Variants in DEK observed in about 807,000 individuals in gnomAD.
The protein encoded by DEK is protein DEK.
DEK carries 28 observed loss-of-function variants against 46.8 expected under a neutral mutation model. The ratio of observed to expected loss-of-function variants is 0.60; its 90% CI spans 0.44 to 0.82. The LOEUF (loss-of-function observed/expected upper bound fraction) is 0.82, where lower values mean the gene tolerates loss of function less well. DEK is among the 40% of genes least tolerant of loss of function. The probability of loss-of-function intolerance (pLI) is 0.00; values close to 1 mark genes in which losing one functional copy is unlikely to be tolerated. For synonymous variants in DEK, 160 were observed against 144.5 expected, an observed-to-expected ratio of 1.11 and a Z score of -0.77; for missense variants, 416 against 430.6, an observed-to-expected ratio of 0.97 and a Z score of 0.30.
chr6:18,236,172 G>A (rs1790638156), intron 9 of DEK, among the ~76,000 whole-genome samples: 1 of 152,110 alleles, frequency 6.6e-6, no homozygotes, highest in South Asian at 2.1e-4. Flanking sequence ...ACAACCTACA[G>A]ATCAGAAAAA....
chr6:18,238,004 G>A (rs1790738235), intron 7 of DEK, among the ~76,000 whole-genome samples: 1 of 151,676 alleles, frequency 6.6e-6, no homozygotes, highest in Non-Finnish European at 1.5e-5. Context: ...TAGTAGCTGG[G>A]ATTACAGGTG....
chr6:18,255,938 T>G, intron 5 of DEK, 87 bp from the exon 6 acceptor site: 1 of 1,466,432 alleles, frequency 6.8e-7, no homozygotes, highest in Non-Finnish European at 9.0e-7. Context: ...GCCAACCAAA[T>G]TGGCTCAGTT....
chr6:18,251,626 ATAC>A (rs1228871656), intron 6 of DEK, among the ~76,000 whole-genome samples: 1 of 152,228 alleles, frequency 6.6e-6, no homozygotes, highest in Non-Finnish European at 1.5e-5. Flanking sequence ...GCTATGTGAG[ATAC>A]TACCATTAAC....
intron 9 of DEK, among the ~76,000 whole-genome samples, chr6:18,232,839 A>T (rs1790468725): frequency 6.6e-6 from 1 of 152,354 alleles, no homozygotes; most frequent in South Asian, 2.1e-4. Flanking sequence ...TCTTCATAGA[A>T]CTGGAAAAAA....
Position 18,257,937 on chromosome 6 carries a change from T to G in DEK, c.357+16A>C. 1 of 1,554,872 alleles carries G rather than the reference T, an allele frequency of 6.4e-7. No individual in the cohort carries two copies. The highest frequency in any genetic ancestry group is 8.7e-7 in the Non-Finnish European group (1 of 1,145,596). On this transcript the variant is annotated intron_variant, in intron 4 of 10. Transcript: ENST00000652689. ...AAGTAATATACAAGTAGGTTTAAAGTGTAAAAAGGTCTTACAGTGCCTGGC... is the reference window on the plus strand; with the variant it reads ...AAGTAATATACAAGTAGGTTTAAAGGGTAAAAAGGTCTTACAGTGCCTGGC...
At chr6:18,255,905 G>T in intron 5 of DEK, 54 bp from the exon 6 acceptor site, 2 of 1,552,744 alleles carry the variant, frequency 1.3e-6, no homozygotes, top group Non-Finnish European at 1.7e-6. Flanking sequence ...GCTTACATAT[G>T]TTCTCCACAA....
chr6:18,257,045 G>A (rs188154176), intron 4 of DEK, among the ~76,000 whole-genome samples: 127 of 152,124 alleles, frequency 8.3e-4, no homozygotes, highest in African/African-American at 2.0e-3. Context: ...CTTTGCCCAC[G>A]TACAACCTAA....
intron 4 of DEK, among the ~76,000 whole-genome samples, chr6:18,257,211 T>A (rs1791634951): frequency 2.0e-5 from 3 of 152,230 alleles, no homozygotes; most frequent in Admixed American, 2.0e-4. Flanking sequence ...GAGATACAAA[T>A]GATTTTGCCT....
rs149100448 is a variant in DEK, at chr6:18,251,213, T to G, written c.574-1374A>C. Among the ~76,000 whole-genome samples, 666 of 152,336 alleles carry G rather than the reference T, an allele frequency of 4.4e-3. 5 individuals carry two copies. The highest frequency in any genetic ancestry group is 0.015 in the African/African-American group (642 of 41,580). ...TCTTTTATATTCTTTTATTTCTACC[T>G]TTGTTACTTTATTTTCTGCAATAAG... On this transcript the variant is annotated intron_variant, in intron 6 of 10. Coordinates refer to ENST00000652689, the MANE Select transcript of DEK (RefSeq NM_003472.4).
At chr6:18,251,835 C>A (rs565065866) in intron 6 of DEK, among the ~76,000 whole-genome samples, 1 of 151,872 alleles carries the variant, frequency 6.6e-6, no homozygotes, top group African/African-American at 2.4e-5. Flanking sequence ...ATCTGTATAT[C>A]GAATTATTAG....
intron 9 of DEK, among the ~76,000 whole-genome samples, chr6:18,230,886 A>G (rs1790386995): frequency 6.6e-6 from 1 of 152,236 alleles, no homozygotes; most frequent in Admixed American, 6.5e-5. Flanking sequence ...CCTAACAGAC[A>G]TCTACAGAAC....
intron 7 of DEK, among the ~76,000 whole-genome samples, chr6:18,245,103 A>G (rs1791049953): frequency 6.6e-6 from 1 of 152,156 alleles, no homozygotes; most frequent in Admixed American, 6.6e-5. Context: ...GGCAGACAAC[A>G]AAGTGCTGGC....
chr6:18,255,246 C>T (rs767835362), intron 6 of DEK, among the ~76,000 whole-genome samples: 4 of 152,188 alleles, frequency 2.6e-5, no homozygotes, highest in Non-Finnish European at 4.4e-5. Flanking sequence ...GGCTCTGCTG[C>T]AGATTCTGGA....
chr6:18,247,684 T>C (rs548074565), intron 7 of DEK, among the ~76,000 whole-genome samples: 1 of 152,258 alleles, frequency 6.6e-6, no homozygotes, highest in East Asian at 1.9e-4. Context: ...TCTCGTTTTT[T>C]TTTTTTGAGA....
chr6:18,263,822 T>C (rs1457777133), intron 2 of DEK, 21 bp downstream of exon 2: 12 of 1,611,732 alleles, frequency 7.4e-6, no homozygotes, highest in Admixed American at 1.7e-5. Context: ...AATTCATCAG[T>C]TGGGATGCGA....
chr6:18,258,617 T>C (rs1253014870), intron 2 of DEK, among the ~76,000 whole-genome samples: 1 of 152,116 alleles, frequency 6.6e-6, no homozygotes, highest in East Asian at 1.9e-4. Context: ...TTTACTCACC[T>C]GGCACTCACA....
chr6:18,246,229 CA>C (rs1184641335), intron 7 of DEK, among the ~76,000 whole-genome samples: 1 of 152,050 alleles, frequency 6.6e-6, no homozygotes, highest in African/African-American at 2.4e-5. Flanking sequence ...TATTTCTCAT[CA>C]AAAGAAAAAA....
chr6:18,224,609 TA>T lies in DEK; in HGVS notation c.*1109del, dbSNP rs1419494100. The T allele has an allele frequency of 2.5e-5, 5 of 204,068 alleles. No homozygotes were observed. The highest frequency in any genetic ancestry group is 1.2e-4 in the Admixed American group (2 of 16,786). 12.6% of individuals were successfully genotyped at this position (204,068 alleles called of 1,614,324 possible). A position where few individuals can be genotyped will look rare whatever the true frequency, so the allele number is the denominator to read the frequency against. ...ACTCCAGAGAAACATTAAATTTCTT[TA>T]ATGTAAAAGTATATTATTTTTGAGA... On this transcript the variant is annotated 3_prime_UTR_variant, in exon 11 of 11. Coordinates refer to ENST00000652689, the MANE Select transcript of DEK (RefSeq NM_003472.4).
chr6:18,264,047 A>T (rs1199882077), intron 1 of DEK, 51 bp from the exon 2 acceptor site: 1 of 1,517,532 alleles, frequency 6.6e-7, no homozygotes, highest in Non-Finnish European at 8.8e-7. Flanking sequence ...TCCCGCAGGC[A>T]GGACCGGGCG....
Sources: gnomAD v4.1 joint callset for allele counts (sites outside exome capture counted in the v4.1 genomes callset) on GRCh38, gnomAD v4.1.1 for gene constraint, MANE v1.5 for transcripts, NCBI Gene and HGNC (gene_info 2026-07-23, HGNC 2026-07-21) for gene names.